The following ZNFX1 variants were observed in gnomAD, a reference collection of about 807,000 sequenced individuals.
The protein encoded by ZNFX1 is zinc finger NFX1-type containing 1.
In ZNFX1, 78 loss-of-function variants were observed where a neutral mutation model predicts 179.8. The ratio of observed to expected loss-of-function variants is 0.43; its 90% CI spans 0.36 to 0.52. The LOEUF is 0.52. Ranked by LOEUF, ZNFX1 falls within the 20% of genes least tolerant of loss-of-function variation. ZNFX1 has a pLI of 0.00. For synonymous variants in ZNFX1, 848 were observed against 868.5 expected (o/e 0.98, Z 0.42); for missense variants, 1,927 against 2,386.6 (o/e 0.81, Z 4.01).
chr20:49,272,788 C>A (rs1981450631), intron 2 of ZNFX1, among the ~76,000 whole-genome samples: 1 of 152,194 alleles, frequency 6.6e-6, no homozygotes, highest in Admixed American at 6.5e-5. Context: ...ATGAAAGAAA[C>A]TGAAAAATGA....
In ZNFX1 at chr20:49,246,708, G is replaced by A; in HGVS notation, c.*559C>T. On this transcript the variant is annotated 3_prime_UTR_variant, in exon 14 of 14. Transcript: ENST00000396105. ...GGTGGAAGCCCCAAACATGTTCCAG[G>A]GAGTCTGTCCACTAATTTGCAGGAG... 1 of 381,034 alleles carries A rather than the reference G, an allele frequency of 2.6e-6. No individual in the cohort carries two copies. Among genetic ancestry groups the A allele is most frequent in the Non-Finnish European group, 5.2e-6 (1 of 193,910 alleles). The allele number at this position is 381,034 out of a possible 1,614,324, so 23.6% of individuals were successfully genotyped here. A position where few individuals can be genotyped will look rare whatever the true frequency, so the allele number is the denominator to read the frequency against.
chr20:49,271,658 T>C lies in ZNFX1; in HGVS notation c.154A>G (p.Arg52Gly), dbSNP rs1363799321. 3 of 1,613,944 alleles carry C rather than the reference T, an allele frequency of 1.9e-6. No individual in the cohort carries two copies. The highest frequency in any genetic ancestry group is 1.1e-5 in the South Asian group (1 of 91,088). ...GGATGGTTGTTGGCCCTAGGATGCC[T>C]TCCAGGGTGGCTGGCTCCTCCTCGG... Reference protein sequence around the residue: ...ALRGGASHPGRHPRANNHPAA... With the variant: ...ALRGGASHPGGHPRANNHPAA... Residue 52 changes from arginine (R) to glycine (G), a missense_variant, in exon 3 of 14, where the codon AGG (arginine) becomes GGG (glycine). Transcript: ENST00000396105.
chr20:49,254,146 C>T (rs1980911097), intron 10 of ZNFX1, among the ~76,000 whole-genome samples: 1 of 152,108 alleles, frequency 6.6e-6, no homozygotes, highest in Non-Finnish European at 1.5e-5. Context: ...TGTGCCCCAG[C>T]CTCCCGAGTA....
At chr20:49,260,186 A>G (rs1423138068) in intron 7 of ZNFX1, among the ~76,000 whole-genome samples, 1 of 151,724 alleles carries the variant, frequency 6.6e-6, no homozygotes, top group Non-Finnish European at 1.5e-5. Context: ...TGGGAGGCTA[A>G]GGCAGGAGAG....
chr20:49,266,766 A>G (rs532487713), intron 3 of ZNFX1, among the ~76,000 whole-genome samples: 1 of 149,758 alleles, frequency 6.7e-6, no homozygotes, highest in Non-Finnish European at 1.5e-5. Context: ...AATTAGAAAT[A>G]CTTTTTATAT....
intron 13 of ZNFX1, among the ~76,000 whole-genome samples, chr20:49,250,537 C>T (rs1980809478): frequency 6.6e-6 from 1 of 152,054 alleles, no homozygotes; most frequent in Non-Finnish European, 1.5e-5. Flanking sequence ...GTTTTGAACT[C>T]TTGGCCTCAG....
intron 2 of ZNFX1, among the ~76,000 whole-genome samples, chr20:49,274,674 G>A (rs886923059): frequency 5.3e-5 from 8 of 151,992 alleles, no homozygotes; most frequent in Non-Finnish European, 8.8e-5. Flanking sequence ...CAGGAGAATC[G>A]CTTGAACCTG....
intron 3 of ZNFX1, among the ~76,000 whole-genome samples, chr20:49,266,709 G>T: frequency 9.2e-6 from 1 of 108,602 alleles, no homozygotes; most frequent in East Asian, 3.1e-4. Flanking sequence ...GTATTTTTTA[G>T]CCAGTTTTCT....
At position 49,254,607 on chromosome 20, in the gene ZNFX1, G is replaced by A. The variant is rs1422733263; in HGVS notation, c.2847C>T (p.Ile949=). Residue 949 remains isoleucine (I), a synonymous_variant, in exon 10 of 14, where the codon ATC becomes ATT. Coordinates refer to ENST00000396105, the MANE Select transcript of ZNFX1 (RefSeq NM_021035.3). ...QLYQADTRRK[I]LSYERQYRTS... is the part of the protein sequence containing the mutation. ...TGCGGTACTGGCGTTCATAGCTGAG[G>A]ATCTTCCGGCGGGTGTCAGCCTGGT... The A allele has an allele frequency of 6.2e-7, 1 of 1,614,130 alleles. No individual in the cohort carries two copies. The highest frequency in any genetic ancestry group is 8.5e-7 in the Non-Finnish European group (1 of 1,180,024).
At position 49,248,953 on chromosome 20, in the gene ZNFX1, A is replaced by G; in HGVS notation, c.4071T>C (p.His1357=). The change falls in exon 14 of 14, where the codon CAT becomes CAC. Residue 1357 remains histidine (H), a synonymous_variant. Coordinates refer to ENST00000396105, the MANE Select transcript of ZNFX1 (RefSeq NM_021035.3). This position sits in a 1 kb window ranked among gnomAD's most constrained non-coding sequence, Gnocchi z 4.6. ...KVPKTIPRCG[H]EQMVPCSVPE... ...GCACGGAACAAGGGACCATTTGTTC[A>G]TGGCCGCACCGAGGAATGGTTTTGG... is the stretch of plus-strand genomic sequence containing the variant. 6.2e-7 allele frequency: 1 copy of G among 1,614,238 alleles called. No homozygotes were observed.
In ZNFX1 at chr20:49,271,202, C is replaced by T. The variant is rs1981381808; in HGVS notation, c.610G>A (p.Val204Ile). Residue 204 changes from valine (V) to isoleucine (I), a missense_variant, in exon 3 of 14, where the codon GTT becomes ATT. Val to Ile is a conservative substitution (Grantham distance 29). Transcript: ENST00000396105. ...TTCAATATGCCCAGTACATGGAGAA[C>T]ACTCTGGCGATCCATTTTGGAGCTA... is the stretch of plus-strand genomic sequence containing the variant. ...ACSSKMDRQS[V>I]LHVLGILKNS... The T allele has an allele frequency of 6.2e-7, 1 of 1,614,150 alleles. No individual in the cohort carries two copies.
intron 1 of ZNFX1, among the ~76,000 whole-genome samples, chr20:49,277,557 G>A (rs1162087301): frequency 6.6e-6 from 1 of 151,532 alleles, no homozygotes; most frequent in Non-Finnish European, 1.5e-5. Context: ...AGGGGCAGAG[G>A]AGATCGAAGT....
chr20:49,274,958 T>C (rs1981514117), intron 2 of ZNFX1, among the ~76,000 whole-genome samples: 2 of 93,482 alleles, frequency 2.1e-5, no homozygotes, highest in Non-Finnish European at 2.6e-5. Context: ...CCGTCTCTAC[T>C]GAAAATACAA....
intron 2 of ZNFX1, among the ~76,000 whole-genome samples, chr20:49,274,595 C>T (rs1457110853): frequency 6.6e-6 from 1 of 151,940 alleles, no homozygotes; most frequent in African/African-American, 2.4e-5. Flanking sequence ...CCTGTCTCTA[C>T]TAAAAACACG....
chr20:49,255,224 T>A (rs1213299888), intron 9 of ZNFX1, among the ~76,000 whole-genome samples: 1 of 152,146 alleles, frequency 6.6e-6, no homozygotes, highest in Non-Finnish European at 1.5e-5. Context: ...TTTGTGTTTT[T>A]AGTAGAGACG....
In ZNFX1 at chr20:49,275,903, T is replaced by C; in HGVS notation, c.-48-16A>G. 1 of 1,564,936 alleles carries C rather than the reference T, an allele frequency of 6.4e-7. No individual in the cohort carries two copies. The highest frequency in any genetic ancestry group is 1.1e-5 in the South Asian group (1 of 90,012). Reference sequence around the variant, plus strand: ...ATCTGGAAAACTGCACATGTTGAGTTATCAGTGTCCTCGAAACATAGCATC... The same window carrying C: ...ATCTGGAAAACTGCACATGTTGAGTCATCAGTGTCCTCGAAACATAGCATC... On this transcript the variant is annotated splice_polypyrimidine_tract_variant and intron_variant, in intron 1 of 13. Coordinates refer to ENST00000396105, the MANE Select transcript of ZNFX1 (RefSeq NM_021035.3).
chr20:49,268,033 C>T (rs1418605053), intron 3 of ZNFX1, among the ~76,000 whole-genome samples: 1 of 151,950 alleles, frequency 6.6e-6, no homozygotes, highest in Admixed American at 6.6e-5. Context: ...GCCACCATGC[C>T]CGGCTAATTT....
chr20:49,259,706 T>G (rs1413689403), intron 7 of ZNFX1, among the ~76,000 whole-genome samples: 1 of 152,210 alleles, frequency 6.6e-6, no homozygotes, highest in East Asian at 1.9e-4. Context: ...TGGGATTACA[T>G]GCATGGGCCA....
chr20:49,268,402 A>G (rs1981297060), intron 3 of ZNFX1, among the ~76,000 whole-genome samples: 2 of 152,196 alleles, frequency 1.3e-5, no homozygotes, highest in South Asian at 2.1e-4. Flanking sequence ...ATGCATGACA[A>G]TGGGTTCCTA....
Sources: allele counts gnomAD v4.1 joint callset (sites outside exome capture counted in the v4.1 genomes callset), GRCh38; gene constraint gnomAD v4.1.1; non-coding constraint Gnocchi (gnomAD v3.1); transcripts MANE v1.5; gene names NCBI Gene and HGNC (gene_info 2026-07-23, HGNC 2026-07-21).